Variants in MAP2 observed in about 807,000 individuals in gnomAD.
MAP2 encodes microtubule associated protein 2, also known as microtubule-associated protein 2.
Under a neutral mutation model 137.6 loss-of-function variants are expected in MAP2, and 14 were observed. That is an observed-to-expected ratio of 0.10 (90% CI 0.07 to 0.16). MAP2 has a LOEUF of 0.16. MAP2 is among the 10% of genes least tolerant of loss of function. The pLI is 1.00. For synonymous variants in MAP2, 786 were observed against 782.3 expected (o/e 1.00, Z -0.08); for missense variants, 2,088 against 2,191.5 (o/e 0.95, Z 0.94).
intron 5 of MAP2, among the ~76,000 whole-genome samples, chr2:209,656,150 A>G (rs1235381846): frequency 3.9e-5 from 6 of 152,172 alleles, no homozygotes; most frequent in Admixed American, 3.9e-4. Flanking sequence ...ATGCAAACCC[A>G]TAGTCAGTGT....
At chr2:209,473,707 G>C (rs1487075245) in intron 1 of MAP2, among the ~76,000 whole-genome samples, 1 of 152,032 alleles carries the variant, frequency 6.6e-6, no homozygotes, top group Admixed American at 6.6e-5. Context: ...GATCTCTGAA[G>C]TGTTTATGAG....
At chr2:209,656,199 G>A (rs1196197224) in intron 5 of MAP2, among the ~76,000 whole-genome samples, 3 of 152,042 alleles carry the variant, frequency 2.0e-5, no homozygotes, top group Non-Finnish European at 4.4e-5. Context: ...GGGTGGGAGA[G>A]TGGAGAATAT....
At chr2:209,495,688 G>T (rs2059667758) in intron 1 of MAP2, among the ~76,000 whole-genome samples, 1 of 152,210 alleles carries the variant, frequency 6.6e-6, no homozygotes, top group African/African-American at 2.4e-5. Flanking sequence ...AATAGTATCT[G>T]CTGTGTTTGG....
chr2:209,603,664 C>A (rs2083690443), intron 3 of MAP2, among the ~76,000 whole-genome samples: 1 of 152,110 alleles, frequency 6.6e-6, no homozygotes, highest in African/African-American at 2.4e-5. Context: ...TCTTTTTATA[C>A]CCGCCTTTCT....
chr2:209,425,963 C>A (rs528917325), intron 1 of MAP2, among the ~76,000 whole-genome samples: 1 of 152,276 alleles, frequency 6.6e-6, no homozygotes, highest in Admixed American at 6.5e-5. Context: ...CCAAAAGCCC[C>A]AGCCCCATGC....
At chr2:209,644,139 A>G (rs1159671599) in intron 4 of MAP2, among the ~76,000 whole-genome samples, 1 of 152,212 alleles carries the variant, frequency 6.6e-6, no homozygotes, top group Non-Finnish European at 1.5e-5. Flanking sequence ...TAATTGACTG[A>G]AAACACTGTA....
At chr2:209,567,408 G>A (rs2073669202) in intron 2 of MAP2, among the ~76,000 whole-genome samples, 1 of 152,040 alleles carries the variant, frequency 6.6e-6, no homozygotes, top group Admixed American at 6.6e-5. Context: ...TTGAAAAGGG[G>A]AAGGCAAAAC....
chr2:209,570,395 CT>C (rs1386431332), intron 2 of MAP2, among the ~76,000 whole-genome samples: 1 of 151,868 alleles, frequency 6.6e-6, no homozygotes, highest in East Asian at 1.9e-4. Context: ...CCCCTGGGCA[CT>C]TTACTAAACC....
At chr2:209,600,523 C>T (rs900009021) in intron 3 of MAP2, among the ~76,000 whole-genome samples, 4 of 152,192 alleles carry the variant, frequency 2.6e-5, no homozygotes, top group African/African-American at 4.8e-5. Flanking sequence ...AGCACATATT[C>T]GGGTAGACAG....
intron 5 of MAP2, among the ~76,000 whole-genome samples, chr2:209,676,414 A>T (rs541748442): frequency 6.6e-6 from 1 of 151,792 alleles, no homozygotes; most frequent in African/African-American, 2.4e-5. Flanking sequence ...GAGGGAGAGG[A>T]TCAGGAAAAA....
chr2:209,582,554 C>G (rs1382638534), intron 3 of MAP2, among the ~76,000 whole-genome samples: 3 of 151,928 alleles, frequency 2.0e-5, no homozygotes, highest in Non-Finnish European at 4.4e-5. Flanking sequence ...GGGAGGAGGC[C>G]TTTCCCCCCA....
chr2:209,596,789 G>A (rs1354523107), intron 3 of MAP2, among the ~76,000 whole-genome samples: 3 of 152,182 alleles, frequency 2.0e-5, no homozygotes, highest in African/African-American at 7.2e-5. Context: ...TCATTTTGAT[G>A]TGTTTTAATA....
intron 2 of MAP2, among the ~76,000 whole-genome samples, chr2:209,566,694 C>T (rs907528404): frequency 1.4e-4 from 21 of 152,096 alleles, no homozygotes; most frequent in African/African-American, 5.1e-4. Context: ...ATCTTCACAA[C>T]CCCCGTTTGT....
intron 4 of MAP2, among the ~76,000 whole-genome samples, chr2:209,647,320 T>C (rs1259072395): frequency 1.3e-5 from 2 of 152,086 alleles, no homozygotes; most frequent in Non-Finnish European, 2.9e-5. Flanking sequence ...ACTTATAAAA[T>C]TCATAATTCA....
intron 2 of MAP2, among the ~76,000 whole-genome samples, chr2:209,510,154 T>C (rs2150241807): frequency 6.6e-6 from 1 of 152,110 alleles, no homozygotes; most frequent in African/African-American, 2.4e-5. Context: ...TTTTCTGATC[T>C]ACTTCTTTTT....
rs190059717 is a variant in MAP2 at position 209,587,680 on chromosome 2, A to C, written c.-107+7580A>C. On this transcript the variant is annotated intron_variant, in intron 3 of 15. Coordinates refer to ENST00000682079, the MANE Select transcript of MAP2 (RefSeq NM_001375505.1). Reference sequence around the variant, plus strand: ...TGTAGCTATAAAATATCTAAGAAAAAAATCAAATAAATATAACATACCCAT... The same window carrying C: ...TGTAGCTATAAAATATCTAAGAAAACAATCAAATAAATATAACATACCCAT... Among the ~76,000 whole-genome samples the C allele has an allele frequency of 3.9e-5, 6 of 152,260 alleles. No homozygotes were observed. The East Asian group carries it at 9.7e-4, about 25-fold the overall frequency.
intron 1 of MAP2, among the ~76,000 whole-genome samples, chr2:209,460,950 T>C (rs537983613): frequency 6.6e-6 from 1 of 152,244 alleles, no homozygotes; most frequent in South Asian, 2.1e-4. Context: ...GTTTTCACCA[T>C]GTTGGCCAGG....
At chr2:209,691,824 A>G (rs1000567697) in intron 7 of MAP2, among the ~76,000 whole-genome samples, 2 of 152,216 alleles carry the variant, frequency 1.3e-5, no homozygotes, top group African/African-American at 4.8e-5. Flanking sequence ...TTTGTTACTC[A>G]CATGACTTCC....
chr2:209,493,136 A>G (rs2059335366), intron 1 of MAP2, among the ~76,000 whole-genome samples: 1 of 152,182 alleles, frequency 6.6e-6, no homozygotes, highest in Admixed American at 6.5e-5. Flanking sequence ...CACATCTACA[A>G]CCACCTGATC....
Sources: allele counts gnomAD v4.1 joint callset (sites outside exome capture counted in the v4.1 genomes callset), GRCh38; gene constraint gnomAD v4.1.1; transcripts MANE v1.5; gene names NCBI Gene and HGNC (gene_info 2026-07-23, HGNC 2026-07-21).